Variants in FRZB observed in about 807,000 individuals in gnomAD.
The protein encoded by FRZB is frizzled related protein.
A neutral mutation model predicts 32.5 loss-of-function variants in FRZB; 34 were observed. The observed-to-expected ratio is 1.05, with a 90% CI of 0.80 to 1.39. The LOEUF (loss-of-function observed/expected upper bound fraction) is 1.39. FRZB is among the 40% of genes most tolerant of loss of function. The pLI, the probability that FRZB is intolerant of heterozygous loss-of-function variation, is 0.00. For missense variants in FRZB, 423 were observed against 424.8 expected (o/e 1.00, Z 0.04); for synonymous variants, 170 against 159.2 (o/e 1.07, Z -0.51).
chr2:182,855,500 A>G (rs1695758158), intron 2 of FRZB, among the ~76,000 whole-genome samples: 1 of 152,206 alleles, frequency 6.6e-6, no homozygotes, highest in Non-Finnish European at 1.5e-5. Flanking sequence ...ATACTAACAA[A>G]TAAAAACTAT....
intron 2 of FRZB, among the ~76,000 whole-genome samples, chr2:182,858,389 T>C (rs1330157159): frequency 6.6e-6 from 1 of 152,206 alleles, no homozygotes; most frequent in Non-Finnish European, 1.5e-5. Flanking sequence ...TCTGTCTATA[T>C]GGACAATCGA....
intron 2 of FRZB, among the ~76,000 whole-genome samples, chr2:182,853,748 T>G (rs564920150): frequency 6.6e-6 from 1 of 152,160 alleles, no homozygotes; most frequent in Non-Finnish European, 1.5e-5. Context: ...ATAAAATAAA[T>G]GTTTCATTTC....
chr2:182,851,998 T>C (rs767940628), intron 2 of FRZB, among the ~76,000 whole-genome samples: 3 of 152,162 alleles, frequency 2.0e-5, no homozygotes, highest in Non-Finnish European at 2.9e-5. Flanking sequence ...GTATCAGTTG[T>C]TGCAAAGTAA....
At chr2:182,854,571 A>G (rs1184743722) in intron 2 of FRZB, among the ~76,000 whole-genome samples, 2 of 152,204 alleles carry the variant, frequency 1.3e-5, no homozygotes, top group East Asian at 1.9e-4. Flanking sequence ...GATCTCTAAC[A>G]TATCAGCCTC....
In FRZB at chr2:182,834,547, A is replaced by G. The variant is rs1488235174; in HGVS notation, c.*302T>C. 2 of 337,970 alleles carry G rather than the reference A, an allele frequency of 5.9e-6. No individual in the cohort carries two copies. The highest frequency in any genetic ancestry group is 1.1e-5 in the Non-Finnish European group (2 of 182,440). The allele number at this position is 337,970 out of a possible 1,614,324, so 20.9% of individuals were successfully genotyped here. On this transcript the variant is annotated 3_prime_UTR_variant, in exon 6 of 6. Coordinates refer to ENST00000295113, the MANE Select transcript of FRZB (RefSeq NM_001463.4). ...AAATTAACATCTGGAGACTCCAGCA[A>G]AGAGGCTCTGGTAACAGCATGTTTA...
At chr2:182,858,975 G>T in intron 1 of FRZB, 142 bp from the exon 2 acceptor site, 2 of 670,990 alleles carry the variant, frequency 3.0e-6, no homozygotes, top group Non-Finnish European at 5.2e-6. Flanking sequence ...ACGTCATGAG[G>T]TCGGCATTCT....
At chr2:182,864,112 C>G (rs1470207012) in intron 1 of FRZB, among the ~76,000 whole-genome samples, 1 of 152,196 alleles carries the variant, frequency 6.6e-6, no homozygotes, top group East Asian at 1.9e-4. Context: ...CCATGCATGT[C>G]CTATTTGAGT....
intron 4 of FRZB, 102 bp from the exon 5 acceptor site, chr2:182,838,113 T>C (rs1338940359): frequency 7.8e-6 from 7 of 892,422 alleles, no homozygotes; most frequent in Admixed American, 4.4e-5. Context: ...ATGTTTATTC[T>C]TGAATAGGAC....
intron 5 of FRZB, 151 bp from the exon 6 acceptor site, chr2:182,835,116 A>T: frequency 1.6e-6 from 1 of 638,546 alleles, no homozygotes; most frequent in Non-Finnish European, 2.8e-6. Flanking sequence ...CAGGGTAACA[A>T]GAAAACTGAT....
intron 5 of FRZB, among the ~76,000 whole-genome samples, chr2:182,835,554 T>A (rs1334477437): frequency 6.8e-6 from 1 of 146,608 alleles, no homozygotes; most frequent in South Asian, 2.3e-4. Flanking sequence ...GTATTAGCAA[T>A]GTTTTTAATA....
intron 1 of FRZB, among the ~76,000 whole-genome samples, chr2:182,860,670 C>T (rs1372738974): frequency 6.6e-6 from 1 of 152,072 alleles, no homozygotes; most frequent in Non-Finnish European, 1.5e-5. Flanking sequence ...AGTTCGAGAC[C>T]AGCCTGGCCA....
rs1695886104 is a variant in FRZB, at chr2:182,866,020, C to G, written c.478+55G>C. 7.1e-7 allele frequency: 1 copy of G among 1,404,452 alleles called. No individual in the cohort carries two copies. Among genetic ancestry groups the G allele is most frequent in the African/African-American group, 1.5e-5 (1 of 67,792 alleles). The allele number at this position is 1,404,452 out of a possible 1,614,324, so 87.0% of individuals were successfully genotyped here. On this transcript the variant is annotated intron_variant, in intron 1 of 5. Coordinates refer to ENST00000295113, the MANE Select transcript of FRZB (RefSeq NM_001463.4). The surrounding 1 kb of genome is among the most constrained non-coding windows in gnomAD (Gnocchi z 4.5). ...AGAGTAAAGGCTAGTAACAAGGACTCCAAGAATTGAGGAGGCTGTAGGGTA... is the reference window on the plus strand; with the variant it reads ...AGAGTAAAGGCTAGTAACAAGGACTGCAAGAATTGAGGAGGCTGTAGGGTA...
intron 5 of FRZB, among the ~76,000 whole-genome samples, chr2:182,836,196 A>G (rs1455224388): frequency 1.3e-5 from 2 of 152,068 alleles, no homozygotes; most frequent in Non-Finnish European, 2.9e-5. Flanking sequence ...ATTTGCATGA[A>G]AAAAACATAA....
At chr2:182,838,330 G>C in intron 4 of FRZB, 79 bp downstream of exon 4, 1 of 1,193,280 alleles carries the variant, frequency 8.4e-7, no homozygotes, top group East Asian at 2.4e-5. Context: ...AAAAATGCGA[G>C]GGTAGCATCT....
At chr2:182,836,298 C>A (rs950399851) in intron 5 of FRZB, among the ~76,000 whole-genome samples, 2 of 152,010 alleles carry the variant, frequency 1.3e-5, no homozygotes, top group African/African-American at 4.8e-5. Flanking sequence ...CTCCATAAAA[C>A]TCTTTTTACA....
chr2:182,847,722 G>A (rs1695661530), intron 2 of FRZB, among the ~76,000 whole-genome samples: 1 of 152,182 alleles, frequency 6.6e-6, no homozygotes, highest in Non-Finnish European at 1.5e-5. Context: ...GAGGGGCTAC[G>A]AAAAGCAGGA....
At chr2:182,838,230 C>T (rs1205185188) in intron 4 of FRZB, among the ~76,000 whole-genome samples, 179 bp downstream of exon 4, 1 of 151,966 alleles carries the variant, frequency 6.6e-6, no homozygotes, top group Non-Finnish European at 1.5e-5. Context: ...AACCTATAAA[C>T]TACACGCATA....
intron 1 of FRZB, among the ~76,000 whole-genome samples, chr2:182,863,955 A>C (rs1695861834): frequency 6.6e-6 from 1 of 152,174 alleles, no homozygotes; most frequent in African/African-American, 2.4e-5. Flanking sequence ...GTTCACACTG[A>C]AGCTTATGGA....
At chr2:182,846,223 T>C (rs288244) in intron 2 of FRZB, among the ~76,000 whole-genome samples, 140,012 of 152,304 alleles carry the variant, frequency 0.92, 64,453 homozygotes, top group East Asian at 0.98. Context: ...CTCACTGGAC[T>C]GTCACTATTT....
Sources: allele counts gnomAD v4.1 joint callset (sites outside exome capture counted in the v4.1 genomes callset), GRCh38; gene constraint gnomAD v4.1.1; non-coding constraint Gnocchi (gnomAD v3.1); transcripts MANE v1.5; gene names NCBI Gene and HGNC (gene_info 2026-07-23, HGNC 2026-07-21).